Variants in NUP43 observed in about 807,000 individuals in gnomAD.
NUP43 encodes the protein nucleoporin 43, also known as nucleoporin Nup43.
In NUP43, 32 loss-of-function variants were observed where a neutral mutation model predicts 47.3. The ratio of observed to expected loss-of-function variants is 0.68; its 90% CI spans 0.51 to 0.91. The LOEUF (loss-of-function observed/expected upper bound fraction) is 0.91. NUP43 is among the 40% of genes least tolerant of loss of function. The pLI is 0.00. For synonymous variants in NUP43, 147 were observed against 158.4 expected, an observed-to-expected ratio of 0.93 and a Z score of 0.54; for missense variants, 444 against 453.9, an observed-to-expected ratio of 0.98 and a Z score of 0.20.
In NUP43 at chr6:149,742,485, C is replaced by T; in HGVS notation, c.407G>A (p.Gly136Asp). 6.2e-7 allele frequency: 1 copy of T among 1,614,094 alleles called. No homozygotes were observed. The highest frequency in any genetic ancestry group is 1.3e-5 in the African/African-American group (1 of 75,050). The change falls in exon 4 of 8, where the codon GGT (glycine) becomes GAT (aspartate). Residue 136 changes from glycine (G) to aspartate (D), a missense_variant. By Grantham distance (94) the Gly-to-Asp change is moderately conservative (BLOSUM62 -1). Transcript: ENST00000340413. ...GATTTCTGGGTTGTTGCACACAACA[C>T]CTGTACATGGTGCACTGCTATAGGA... is the stretch of plus-strand genomic sequence containing the variant. ...SPSYSSAPCTGVVCNNPEIVT... is the reference protein window; with the variant it reads ...SPSYSSAPCTDVVCNNPEIVT...
At chr6:149,731,072 AGCCTG>A (rs1396737228) in intron 7 of NUP43, among the ~76,000 whole-genome samples, 7 of 152,208 alleles carry the variant, frequency 4.6e-5, no homozygotes, top group African/African-American at 1.7e-4. Context: ...GTTTGAGACC[AGCCTG>A]GCCAACATAG....
intron 7 of NUP43, among the ~76,000 whole-genome samples, chr6:149,730,619 G>A (rs1784986775): frequency 6.6e-6 from 1 of 152,210 alleles, no homozygotes. Context: ...ATACGAGGAT[G>A]TCTAATTTGG....
At chr6:149,745,906 T>G in intron 2 of NUP43, 34 bp downstream of exon 2, 9 of 1,581,558 alleles carry the variant, frequency 5.7e-6, no homozygotes, top group East Asian at 2.2e-5. Context: ...CTCAGGACTT[T>G]CAAAGTTAGC....
rs1177787326 is a variant in NUP43 at position 149,726,807 on chromosome 6, T to C, written c.*162A>G. ...ATCGGATTCTACAACTGTTTGGGAG[T>C]GTCAGGCTAACAAAAGTCAAAACTG... is the stretch of plus-strand genomic sequence containing the variant. On this transcript the variant is annotated 3_prime_UTR_variant, in exon 8 of 8. Coordinates refer to ENST00000340413, the MANE Select transcript of NUP43 (RefSeq NM_198887.3). The C allele has an allele frequency of 1.6e-6, 1 of 616,660 alleles. No homozygotes were observed. Among genetic ancestry groups the C allele is most frequent in the Admixed American group, 2.8e-5 (1 of 35,758 alleles). 38.2% of individuals were successfully genotyped at this position (616,660 alleles called of 1,614,324 possible).
intron 4 of NUP43, among the ~76,000 whole-genome samples, chr6:149,740,275 C>CAAAA (rs766447484): frequency 1.1e-3 from 25 of 22,402 alleles, no homozygotes; most frequent in East Asian, 5.5e-3. Flanking sequence ...GACCCTGTCT[C>CAAAA]AAAAAAAAAA....
intron 7 of NUP43, among the ~76,000 whole-genome samples, chr6:149,729,836 T>C (rs919124544): frequency 6.6e-6 from 1 of 152,060 alleles, no homozygotes; most frequent in Admixed American, 6.6e-5. Flanking sequence ...TACCACATGG[T>C]AGGCATTCAG....
At chr6:149,746,281 G>T (rs1050717731) in intron 1 of NUP43, 95 bp downstream of exon 1, 1 of 1,536,312 alleles carries the variant, frequency 6.5e-7, no homozygotes, top group Non-Finnish European at 8.9e-7. Flanking sequence ...AGTGCGAGAA[G>T]AACCAGAAGG....
intron 6 of NUP43, among the ~76,000 whole-genome samples, chr6:149,732,741 G>A (rs1785122026): frequency 6.6e-6 from 1 of 151,958 alleles, no homozygotes; most frequent in South Asian, 2.1e-4. Flanking sequence ...AGCTACTTGG[G>A]AGGGTGAGGT....
At chr6:149,746,542 C>G (rs774841673), upstream of NUP43, 3 of 1,613,772 alleles carry the variant, frequency 1.9e-6, no homozygotes, top group Non-Finnish European at 2.5e-6. Flanking sequence ...GCACAGTACG[C>G]GCCTCTCAGC....
intron 1 of NUP43, 41 bp from the exon 2 acceptor site, chr6:149,746,103 C>T: frequency 1.3e-6 from 2 of 1,598,470 alleles, no homozygotes; most frequent in Non-Finnish European, 1.7e-6. Context: ...ACATAAACGT[C>T]AACTCTCGGA....
At chr6:149,730,940 A>AT (rs1785004830) in intron 7 of NUP43, among the ~76,000 whole-genome samples, 1 of 124,916 alleles carries the variant, frequency 8.0e-6, no homozygotes, top group Non-Finnish European at 1.7e-5. Flanking sequence ...GCTGTCTCAA[A>AT]CAAAAAAAAA....
At chr6:149,748,306 G>A (rs184020681), upstream of NUP43, among the ~76,000 whole-genome samples, 239 of 152,280 alleles carry the variant, frequency 1.6e-3, no homozygotes, top group African/African-American at 5.4e-3. Context: ...GCTACAGAGT[G>A]AGACTCCGTC....
chr6:149,744,842 A>C (rs1785879692), intron 2 of NUP43, among the ~76,000 whole-genome samples: 1 of 151,842 alleles, frequency 6.6e-6, no homozygotes, highest in African/African-American at 2.4e-5. Flanking sequence ...TCTCCAAAAA[A>C]AAAAAATGTA....
intron 7 of NUP43, among the ~76,000 whole-genome samples, chr6:149,730,937 C>G (rs746127368): frequency 3.8e-4 from 46 of 121,158 alleles, no homozygotes; most frequent in Non-Finnish European, 6.8e-4. Flanking sequence ...GACGCTGTCT[C>G]AAACAAAAAA....
intron 7 of NUP43, 180 bp from the exon 8 acceptor site, chr6:149,727,378 T>C (rs1343489884): frequency 5.1e-6 from 5 of 984,184 alleles, no homozygotes; most frequent in Middle Eastern, 5.2e-4. Context: ...TTCAGTGATA[T>C]TAAATATTCA....
Position 149,738,740 on chromosome 6 carries a change from G to T in NUP43, c.541C>A (p.Leu181Ile). 6.3e-7 allele frequency: 1 copy of T among 1,591,576 alleles called. No individual in the cohort carries two copies. Among genetic ancestry groups the T allele is most frequent in the Non-Finnish European group, 8.5e-7 (1 of 1,170,208 alleles). The change falls in exon 5 of 8, where the codon CTT becomes ATT. Residue 181 changes from leucine (L) to isoleucine (I), a missense_variant. Leu to Ile is a conservative substitution (Grantham distance 5). Coordinates refer to ENST00000340413, the MANE Select transcript of NUP43 (RefSeq NM_198887.3). ...DSSTLHAVTF[L>I]RTPEILTVNS... is the part of the protein sequence containing the mutation. The stretch of plus-strand genomic sequence containing the variant: ...ACAGTAAGAATCTCAGGAGTTCGAA[G>T]AAAGGTTACAGCATGGAGTGTACTA...
upstream of NUP43, among the ~76,000 whole-genome samples, chr6:149,747,060 G>A (rs1582990255): frequency 6.6e-6 from 1 of 152,168 alleles, no homozygotes; most frequent in Non-Finnish European, 1.5e-5. Context: ...CAATTGCCTA[G>A]CTTTGATCAA....
chr6:149,741,033 A>G (rs545979502), intron 4 of NUP43, among the ~76,000 whole-genome samples: 1 of 152,086 alleles, frequency 6.6e-6, no homozygotes, highest in South Asian at 2.1e-4. Context: ...ACCTGCTTCC[A>G]GATGTTTTAT....
intron 7 of NUP43, chr6:149,727,960 T>C (rs1168068967): frequency 1.0e-4 from 103 of 985,058 alleles, no homozygotes; most frequent in Non-Finnish European, 1.2e-4. Flanking sequence ...CTGTGCTAAG[T>C]GCTCTGTGCC....
Sources: allele counts gnomAD v4.1 joint callset (sites outside exome capture counted in the v4.1 genomes callset), GRCh38; gene constraint gnomAD v4.1.1; transcripts MANE v1.5; gene names NCBI Gene and HGNC (gene_info 2026-07-23, HGNC 2026-07-21).